Variants in AFG2A observed in about 807,000 individuals in gnomAD.
AFG2A encodes ATPase family gene 2 protein homolog A.
the AFG2A span, among the ~76,000 whole-genome samples, chr4:123,073,053 T>C: frequency 6.6e-6 from 1 of 152,162 alleles, no homozygotes; most frequent in Non-Finnish European, 1.5e-5. Flanking sequence ...TTTTGTGTGA[T>C]GAGGACATTT....
the AFG2A span, chr4:123,318,122 T>C: frequency 1.3e-5 from 2 of 152,200 alleles, no homozygotes; most frequent in Admixed American, 6.5e-5. Context: ...GAATTTACAA[T>C]GCAATCCACA....
At chr4:122,947,630 A>C in the AFG2A span, 3 of 1,115,716 alleles carry the variant, frequency 2.7e-6, no homozygotes, top group Admixed American at 3.2e-5. Context: ...TATTTGAAAA[A>C]ATTTTTATTG....
At chr4:123,007,399 C>T in the AFG2A span, among the ~76,000 whole-genome samples, 37 of 151,606 alleles carry the variant, frequency 2.4e-4, no homozygotes, top group Non-Finnish European at 4.7e-4. Flanking sequence ...GTTTTCTTCA[C>T]GTGTGAATAT....
the AFG2A span, among the ~76,000 whole-genome samples, chr4:123,280,205 A>G: frequency 6.6e-6 from 1 of 152,200 alleles, no homozygotes; most frequent in African/African-American, 2.4e-5. Context: ...TAAAATGGCA[A>G]TAGTAATACT....
the AFG2A span, chr4:123,316,361 G>T: frequency 1.3e-5 from 2 of 152,196 alleles, no homozygotes; most frequent in Non-Finnish European, 2.9e-5. Flanking sequence ...CATGTGGCAA[G>T]GGTCTGCCAC....
the AFG2A span, among the ~76,000 whole-genome samples, chr4:123,035,071 G>A: frequency 6.6e-6 from 1 of 152,292 alleles, no homozygotes; most frequent in African/African-American, 2.4e-5. Flanking sequence ...TGGGTTTGGG[G>A]CTGCCCTGAA....
the AFG2A span, among the ~76,000 whole-genome samples, chr4:123,147,574 G>C: frequency 6.6e-6 from 1 of 152,072 alleles, no homozygotes; most frequent in East Asian, 1.9e-4. Flanking sequence ...AATACTTGAG[G>C]AATATGATTA....
chr4:123,132,387 C>T, the AFG2A span, among the ~76,000 whole-genome samples: 101,379 of 151,752 alleles, frequency 0.67, 37,141 homozygotes, highest in East Asian at 0.97. Flanking sequence ...AGTACTTGTC[C>T]TTCTGTGTTT....
the AFG2A span, among the ~76,000 whole-genome samples, chr4:123,147,819 T>A: frequency 6.6e-6 from 1 of 152,210 alleles, no homozygotes; most frequent in Non-Finnish European, 1.5e-5. Context: ...CCAAAAATCA[T>A]TAATACATTT....
chr4:123,311,655 A>AG, the AFG2A span, among the ~76,000 whole-genome samples: 4 of 145,692 alleles, frequency 2.7e-5, no homozygotes, highest in East Asian at 4.2e-4. Flanking sequence ...AAAAAAAAAA[A>AG]AGAGAGAGAA....
the AFG2A span, among the ~76,000 whole-genome samples, chr4:123,037,696 C>T: frequency 1.3e-5 from 2 of 152,158 alleles, no homozygotes; most frequent in East Asian, 1.9e-4. Context: ...CTTTGCCACT[C>T]GATCTGCTCA....
At chr4:123,239,729 CA>C in the AFG2A span, among the ~76,000 whole-genome samples, 1 of 152,164 alleles carries the variant, frequency 6.6e-6, no homozygotes, top group Non-Finnish European at 1.5e-5. Context: ...AAAAACATGC[CA>C]AATTGTAAAG....
the AFG2A span, among the ~76,000 whole-genome samples, chr4:123,129,239 G>A: frequency 5.4e-4 from 82 of 152,246 alleles, no homozygotes; most frequent in African/African-American, 1.9e-3. Flanking sequence ...GATTACTTCT[G>A]TGCCATCCCT....
At chr4:123,176,608 G>A in the AFG2A span, among the ~76,000 whole-genome samples, 48 of 152,202 alleles carry the variant, frequency 3.2e-4, no homozygotes, top group South Asian at 6.9e-3. Flanking sequence ...TAGTGTGGTC[G>A]GACGGAAGGG....
the AFG2A span, among the ~76,000 whole-genome samples, chr4:123,140,959 A>C: frequency 6.6e-6 from 1 of 152,178 alleles, no homozygotes; most frequent in Non-Finnish European, 1.5e-5. Context: ...TTGCATAACT[A>C]ATAACTTCAT....
At chr4:123,277,672 G>A in the AFG2A span, among the ~76,000 whole-genome samples, 1 of 152,094 alleles carries the variant, frequency 6.6e-6, no homozygotes, top group African/African-American at 2.4e-5. Flanking sequence ...TTTATTGAGG[G>A]TTTTTTAAAT....
the AFG2A span, among the ~76,000 whole-genome samples, chr4:123,007,637 C>CATATAA: frequency 1.3e-4 from 3 of 23,782 alleles, no homozygotes; most frequent in Non-Finnish European, 2.2e-4. Context: ...TATACACACA[C>CATATAA]ACACAACACA....
the AFG2A span, among the ~76,000 whole-genome samples, chr4:123,060,206 C>T: frequency 6.6e-6 from 1 of 152,206 alleles, no homozygotes; most frequent in African/African-American, 2.4e-5. Context: ...CATGGTGCCA[C>T]AGGCACATGG....
the AFG2A span, among the ~76,000 whole-genome samples, chr4:123,199,619 G>A: frequency 6.6e-6 from 1 of 151,682 alleles, no homozygotes; most frequent in African/African-American, 2.4e-5. Context: ...CTACAGGCAC[G>A]TGCCACCACA....
Sources: gnomAD v4.1 joint callset for allele counts (sites outside exome capture counted in the v4.1 genomes callset) on GRCh38, gnomAD v4.1.1 for gene constraint, MANE v1.5 for transcripts, NCBI Gene and HGNC (gene_info 2026-07-23, HGNC 2026-07-21) for gene names.